The following CHST11 variants were observed in gnomAD, a reference collection of about 807,000 sequenced individuals.
CHST11 encodes the protein carbohydrate sulfotransferase 11.
CHST11 carries 9 observed loss-of-function variants against 30.4 expected under a neutral mutation model. That is an observed-to-expected ratio of 0.30 (90% CI 0.18 to 0.52). CHST11 has a LOEUF of 0.52. Among genes scored for constraint, CHST11 ranks in the 20% least tolerant of loss-of-function variants. CHST11 has a pLI of 0.97. For synonymous variants in CHST11, 152 were observed against 187.8 expected (o/e 0.81, Z 1.56); for missense variants, 348 against 460.6 (o/e 0.76, Z 2.24).
intron 1 of CHST11, among the ~76,000 whole-genome samples, chr12:104,541,363 T>C (rs1311232271): frequency 6.6e-6 from 1 of 152,136 alleles, no homozygotes; most frequent in African/African-American, 2.4e-5. Flanking sequence ...GGGTATTTCT[T>C]CTCAGAGCCT....
Position 104,525,974 on chromosome 12 carries a change from A to G in CHST11, c.118+68445A>G, listed in dbSNP as rs575581165. Among the ~76,000 whole-genome samples, 10 of 152,246 alleles carry G rather than the reference A, an allele frequency of 6.6e-5. No individual in the cohort carries two copies. In the South Asian group the frequency reaches 1.7e-3, roughly 25 times the overall value. On this transcript the variant is annotated intron_variant, in intron 1 of 2. Coordinates refer to ENST00000303694, the MANE Select transcript of CHST11 (RefSeq NM_018413.6). ...AAGAAAGAGCGTCAAGCCTATAAAC[A>G]ATGCTTCAGATTTTCAGCTAATTTT...
intron 2 of CHST11, among the ~76,000 whole-genome samples, chr12:104,624,006 C>T (rs1028452440): frequency 6.6e-6 from 1 of 152,138 alleles, no homozygotes; most frequent in African/African-American, 2.4e-5. Flanking sequence ...AAACACAGCA[C>T]TCGTTCTCAG....
rs1555250374 is a variant in CHST11 at position 104,756,532 on chromosome 12, G to GGGTGTGTGTGTGT, written c.205-416_205-415insGTGTGTGTGTGTG. Among the ~76,000 whole-genome samples the GGGTGTGTGTGTGT allele has an allele frequency of 2.1e-5, 3 of 143,398 alleles. No individual in the cohort carries two copies. In the East Asian group the frequency reaches 6.2e-4, roughly 30 times the overall value. The allele number at this position is 143,398 out of a possible 152,430, so 94.1% of individuals were successfully genotyped here. A position where few individuals can be genotyped will look rare whatever the true frequency, so the allele number is the denominator to read the frequency against. ...CATCATGAGGTCTGGATCCATGTGG[G>GGGTGTGTGTGTGT]GTGTGTGTGTGTGTGTGTGTGTGTG... On this transcript the variant is annotated intron_variant, in intron 2 of 2. Transcript: ENST00000303694.
chr12:104,488,298 A>G (rs941141225), intron 1 of CHST11, among the ~76,000 whole-genome samples: 6 of 152,088 alleles, frequency 3.9e-5, no homozygotes, highest in African/African-American at 1.4e-4. Context: ...GGTGCTCCAC[A>G]TGCAAAGCCC....
chr12:104,483,069 A>T (rs766127399), intron 1 of CHST11, among the ~76,000 whole-genome samples: 1 of 152,110 alleles, frequency 6.6e-6, no homozygotes, highest in Non-Finnish European at 1.5e-5. Context: ...TGATACCCAC[A>T]TGCCTCCTGG....
chr12:104,680,522 A>G lies in CHST11; in HGVS notation c.205-76427A>G, dbSNP rs191626150. Among the ~76,000 whole-genome samples the G allele has an allele frequency of 5.3e-3, 808 of 152,308 alleles. 13 individuals carry two copies. The highest frequency in any genetic ancestry group is 0.019 in the African/African-American group (770 of 41,552). ...TAAGGATGTTCTGCTAGGAAGCACC[A>G]TTGCTTTTGCCTACTGGGCAGAAGT... is the stretch of plus-strand genomic sequence containing the variant. On this transcript the variant is annotated intron_variant, in intron 2 of 2. Transcript: ENST00000303694.
At chr12:104,520,859 T>C (rs2038067395) in intron 1 of CHST11, among the ~76,000 whole-genome samples, 1 of 152,368 alleles carries the variant, frequency 6.6e-6, no homozygotes, top group East Asian at 1.9e-4. Context: ...TTCTGTTCTC[T>C]GACCCTGGAG....
At chr12:104,597,233 C>T (rs971760848) in intron 1 of CHST11, among the ~76,000 whole-genome samples, 5 of 152,024 alleles carry the variant, frequency 3.3e-5, no homozygotes, top group Non-Finnish European at 5.9e-5. Context: ...ATTTATGTAT[C>T]GTGGGAGATA....
intron 1 of CHST11, among the ~76,000 whole-genome samples, chr12:104,526,188 A>C (rs973421640): frequency 6.6e-6 from 1 of 151,332 alleles, no homozygotes; most frequent in Non-Finnish European, 1.5e-5. Context: ...TGTTGTGGGA[A>C]TTATTTTCAC....
chr12:104,497,849 T>C (rs144254549), intron 1 of CHST11, among the ~76,000 whole-genome samples: 2,036 of 151,084 alleles, frequency 0.013, 42 homozygotes, highest in African/African-American at 0.043. Flanking sequence ...CAGGTGCATA[T>C]GGGGCAAGTG....
At chr12:104,642,835 T>G (rs1019224399) in intron 2 of CHST11, among the ~76,000 whole-genome samples, 3 of 152,152 alleles carry the variant, frequency 2.0e-5, no homozygotes, top group Admixed American at 6.6e-5. Context: ...TTTATTACTT[T>G]TATAATTAAA....
At position 104,602,019 on chromosome 12, in the gene CHST11, T is replaced by G. The variant is rs560350367; in HGVS notation, c.204+28T>G. On this transcript the variant is annotated intron_variant, in intron 2 of 2. Coordinates refer to ENST00000303694, the MANE Select transcript of CHST11 (RefSeq NM_018413.6). ...AAGCTTCAAGCACTCTGTCAGCATG[T>G]GAATTTTTTTTTTTTGTAGGTATGG... 14 of 1,481,670 alleles carry G rather than the reference T, an allele frequency of 9.4e-6. No homozygotes were observed. In the African/African-American group the frequency reaches 2.4e-4, roughly 25 times the overall value. 91.8% of individuals were successfully genotyped at this position (1,481,670 alleles called of 1,614,324 possible).
chr12:104,540,005 T>C (rs577045989), intron 1 of CHST11, among the ~76,000 whole-genome samples: 1 of 152,310 alleles, frequency 6.6e-6, no homozygotes, highest in African/African-American at 2.4e-5. Context: ...TATTTGCATA[T>C]AACCTATGTG....
intron 2 of CHST11, among the ~76,000 whole-genome samples, chr12:104,633,489 A>G (rs939672112): frequency 1.5e-5 from 2 of 135,052 alleles, no homozygotes; most frequent in Non-Finnish European, 3.0e-5. Context: ...ATCTCGGCTC[A>G]CTGCAACCTC....
At chr12:104,644,255 A>C (rs1315835064) in intron 2 of CHST11, among the ~76,000 whole-genome samples, 1 of 152,032 alleles carries the variant, frequency 6.6e-6, no homozygotes, top group African/African-American at 2.4e-5. Flanking sequence ...CCTTCCCTGC[A>C]TCTGGGTGGA....
chr12:104,688,066 C>T (rs1311983519), intron 2 of CHST11, among the ~76,000 whole-genome samples: 5 of 152,158 alleles, frequency 3.3e-5, no homozygotes, highest in African/African-American at 1.2e-4. Context: ...TCTTAGAAAA[C>T]GCAAAGATGT....
intron 2 of CHST11, among the ~76,000 whole-genome samples, chr12:104,616,892 G>C (rs2039113401): frequency 6.6e-6 from 1 of 152,192 alleles, no homozygotes; most frequent in Admixed American, 6.5e-5. Flanking sequence ...AGTGGTCCCA[G>C]AGTTTGTGTA....
chr12:104,711,551 G>T (rs1188693200), intron 2 of CHST11, among the ~76,000 whole-genome samples: 2 of 151,776 alleles, frequency 1.3e-5, no homozygotes, highest in East Asian at 3.9e-4. Flanking sequence ...ATTTATAATT[G>T]AATCCAAAGT....
intron 2 of CHST11, among the ~76,000 whole-genome samples, chr12:104,627,627 TGCCACA>T (rs755602279): frequency 3.3e-5 from 5 of 152,258 alleles, no homozygotes; most frequent in Non-Finnish European, 7.3e-5. Context: ...ATGAATTCTC[TGCCACA>T]GCCACAGCCA....
Sources: allele counts gnomAD v4.1 joint callset (sites outside exome capture counted in the v4.1 genomes callset), GRCh38; gene constraint gnomAD v4.1.1; transcripts MANE v1.5; gene names NCBI Gene and HGNC (gene_info 2026-07-23, HGNC 2026-07-21).